The following EDN2 variants were observed in gnomAD, a reference collection of about 807,000 sequenced individuals.
EDN2 encodes the protein endothelin 2, also known as endothelin-2.
EDN2 carries 10 observed loss-of-function variants against 19.9 expected under a neutral mutation model. The ratio of observed to expected loss-of-function variants is 0.50; its 90% CI spans 0.31 to 0.85. The LOEUF (loss-of-function observed/expected upper bound fraction) is 0.85. Among genes scored for constraint, EDN2 ranks in the 40% least tolerant of loss-of-function variants. The probability of loss-of-function intolerance (pLI) is 0.05; values close to 1 mark genes in which losing one functional copy is unlikely to be tolerated. For missense variants in EDN2, 222 were observed against 239.3 expected, an observed-to-expected ratio of 0.93 and a Z score of 0.48; for synonymous variants, 84 against 94.9, an observed-to-expected ratio of 0.89 and a Z score of 0.67.
At chr1:41,480,867 C>T (rs906414496) in intron 4 of EDN2, 5 of 671,496 alleles carry the variant, frequency 7.4e-6, no homozygotes, top group African/African-American at 1.8e-5. Flanking sequence ...AAAAAGTCCA[C>T]TTCCAGGCCT....
In EDN2 at chr1:41,480,935, G is replaced by T. The variant is rs143576788; in HGVS notation, c.443+160C>A. Reference sequence around the variant, plus strand: ...CAGACTCTGGGGTCAGCCAGATGCCGCTGACTGCTGTGTGACTTTGGGCAA... The same window carrying T: ...CAGACTCTGGGGTCAGCCAGATGCCTCTGACTGCTGTGTGACTTTGGGCAA... On this transcript the variant is annotated intron_variant, in intron 4 of 4. Coordinates refer to ENST00000372587, the MANE Select transcript of EDN2 (RefSeq NM_001956.5). The T allele has an allele frequency of 9.4e-4, 619 of 658,180 alleles. 7 individuals are homozygous for T. The East Asian group carries it at 0.012, about 13-fold the overall frequency. 40.8% of individuals were successfully genotyped at this position (658,180 alleles called of 1,614,324 possible).
In EDN2 at chr1:41,480,575, A is replaced by G. The variant is rs181125996; in HGVS notation, c.443+520T>C. 29 of 377,310 alleles carry G rather than the reference A, an allele frequency of 7.7e-5. 1 individual carries two copies. The highest frequency in any genetic ancestry group is 5.9e-4 in the Admixed American group (19 of 32,258). The allele number at this position is 377,310 out of a possible 1,614,324, so 23.4% of individuals were successfully genotyped here. A position where few individuals can be genotyped will look rare whatever the true frequency, so the allele number is the denominator to read the frequency against. On this transcript the variant is annotated intron_variant, in intron 4 of 4. Transcript: ENST00000372587. ...CCAGGCTGGGCTGGGGTTCAGATCA[A>G]GCAGTCTGCCCCAGAGGCTGCCCCT...
chr1:41,482,605 A>G lies in EDN2; in HGVS notation c.222-17T>C. Reference sequence around the variant, plus strand: ...GCTGTCTGTCTGTGGGCGGGCAGCCAGCAAGGTAGTGGTGTGGGGTGGAGA... The same window carrying G: ...GCTGTCTGTCTGTGGGCGGGCAGCCGGCAAGGTAGTGGTGTGGGGTGGAGA... On this transcript the variant is annotated splice_polypyrimidine_tract_variant and intron_variant, in intron 2 of 4. Coordinates refer to ENST00000372587, the MANE Select transcript of EDN2 (RefSeq NM_001956.5). The G allele has an allele frequency of 6.4e-7, 1 of 1,559,198 alleles. No homozygotes were observed. The highest frequency in any genetic ancestry group is 8.6e-7 in the Non-Finnish European group (1 of 1,157,672).
chr1:41,479,169 C>G lies in EDN2; in HGVS notation c.*240G>C, dbSNP rs1644225011. On this transcript the variant is annotated 3_prime_UTR_variant, in exon 5 of 5. Coordinates refer to ENST00000372587, the MANE Select transcript of EDN2 (RefSeq NM_001956.5). ...AGCAGAGCTGTGGGCCAGCAGCCAGCACTGGAGGCTGCTCCGCAGTCTGGA... is the reference window on the plus strand; with the variant it reads ...AGCAGAGCTGTGGGCCAGCAGCCAGGACTGGAGGCTGCTCCGCAGTCTGGA... 1.6e-6 allele frequency: 1 copy of G among 626,852 alleles called. No individual in the cohort carries two copies. The highest frequency in any genetic ancestry group is 1.6e-5 in the South Asian group (1 of 62,122). The allele number at this position is 626,852 out of a possible 1,614,324, so 38.8% of individuals were successfully genotyped here.
At position 41,479,048 on chromosome 1, in the gene EDN2, C is replaced by T. The variant is rs1290504302; in HGVS notation, c.*361G>A. 6 of 361,044 alleles carry T rather than the reference C, an allele frequency of 1.7e-5. No homozygotes were observed. The highest frequency in any genetic ancestry group is 4.3e-5 in the South Asian group (2 of 46,622). The allele number at this position is 361,044 out of a possible 1,614,324, so 22.4% of individuals were successfully genotyped here. On this transcript the variant is annotated 3_prime_UTR_variant, in exon 5 of 5. Transcript: ENST00000372587. The stretch of plus-strand genomic sequence containing the variant: ...CAGGGCTGGCTGAGGCATGCGTGTT[C>T]GTGGCTGCACGGTTGCTCCTGGTTT...
At chr1:41,479,767 A>G (rs947624164) in intron 4 of EDN2, among the ~76,000 whole-genome samples, 2 of 152,246 alleles carry the variant, frequency 1.3e-5, no homozygotes, top group African/African-American at 2.4e-5. Flanking sequence ...TGGACAGCCA[A>G]GCACAGCCCT....
chr1:41,478,816 T>C lies in EDN2; in HGVS notation c.*593A>G, dbSNP rs910221974. 1 of 167,334 alleles carries C rather than the reference T, an allele frequency of 6.0e-6. No individual in the cohort carries two copies. Among genetic ancestry groups the C allele is most frequent in the South Asian group, 1.6e-4 (1 of 6,422 alleles). The allele number at this position is 167,334 out of a possible 1,614,324, so 10.4% of individuals were successfully genotyped here. A position where few individuals can be genotyped will look rare whatever the true frequency, so the allele number is the denominator to read the frequency against. On this transcript the variant is annotated 3_prime_UTR_variant, in exon 5 of 5. Coordinates refer to ENST00000372587, the MANE Select transcript of EDN2 (RefSeq NM_001956.5). The stretch of plus-strand genomic sequence containing the variant: ...TTATAAACACAAGTTCGCAGGTAAA[T>C]AGAGGGTCTAAAAAATACATTAAAA...
At position 41,484,559 on chromosome 1, in the gene EDN2, G is replaced by T; in HGVS notation, c.43C>A (p.Leu15Met). Reference protein sequence around the residue: ...PTTWCSVALALLVALHEGKGQ... With the variant: ...PTTWCSVALAMLVALHEGKGQ... ...TCACCTTCATGCAGGGCCACGAGCA[G>T]GGCTAGCGCAACGGAGCACCAGGTG... Residue 15 changes from leucine to methionine, a missense_variant, in exon 1 of 5, where the codon CTG becomes ATG. Transcript: ENST00000372587. The T allele has an allele frequency of 6.4e-7, 1 of 1,558,176 alleles. No individual in the cohort carries two copies. Among genetic ancestry groups the T allele is most frequent in the East Asian group, 2.4e-5 (1 of 41,300 alleles).
At chr1:41,481,060 G>A (rs774786810) in intron 4 of EDN2, 35 bp downstream of exon 4, 69 of 1,523,648 alleles carry the variant, frequency 4.5e-5, no homozygotes, top group Admixed American at 3.2e-4. Context: ...GCATACAGGA[G>A]GTGCTCAGTC....
chr1:41,483,124 G>GGT (rs3835690), intron 2 of EDN2: 62,098 of 151,046 alleles, frequency 0.41, 13,397 homozygotes, highest in Admixed American at 0.55. Context: ...TTGAAAGTGG[G>GGT]GTGTGTGTGT....
At position 41,484,616 on chromosome 1, in the gene EDN2, G is replaced by T; in HGVS notation, c.-15C>A. On this transcript the variant is annotated 5_prime_UTR_variant, in exon 1 of 5. Transcript: ENST00000372587. ...ACGGAGACCATAGCGGCGGTGGAGC[G>T]CGCAGGCTGGACTGGAGCAGGGAGT... 4 of 1,553,756 alleles carry T rather than the reference G, an allele frequency of 2.6e-6. No homozygotes were observed. Among genetic ancestry groups the T allele is most frequent in the Middle Eastern group, 1.7e-4 (1 of 5,982 alleles).
Position 41,481,132 on chromosome 1 carries a change from T to C in EDN2, c.406A>G (p.Thr136Ala). The C allele has an allele frequency of 6.2e-7, 1 of 1,614,036 alleles. No individual in the cohort carries two copies. Among genetic ancestry groups the C allele is most frequent in the Middle Eastern group, 1.6e-4 (1 of 6,062 alleles). ...AGAAGCTCTCCTGTAGTGGCCCCTG[T>C]CTTGCCAGTCTGGAACACGTCTGCA... is the stretch of plus-strand genomic sequence containing the variant. ...SPADVFQTGK[T>A]GATTGELLQR... The change falls in exon 4 of 5, where the codon ACA becomes GCA. Residue 136 changes from threonine (T) to alanine (A), a missense_variant. Coordinates refer to ENST00000372587, the MANE Select transcript of EDN2 (RefSeq NM_001956.5).
rs1250602641 is a variant in EDN2, at chr1:41,483,821, C to A, written c.221+226G>T. The A allele has an allele frequency of 1.4e-5, 7 of 493,068 alleles. No individual in the cohort carries two copies. In the East Asian group the frequency reaches 1.8e-4, roughly 12 times the overall value. 30.5% of individuals were successfully genotyped at this position (493,068 alleles called of 1,614,324 possible). On this transcript the variant is annotated intron_variant, in intron 2 of 4. Transcript: ENST00000372587. ...TTGAATCTGGAAAACGGGGCCAACA[C>A]TTGCTTACCAGGCTGTCTTAAGAAT...
intron 2 of EDN2, 143 bp from the exon 3 acceptor site, chr1:41,482,731 A>G: frequency 8.5e-7 from 1 of 1,180,440 alleles, no homozygotes; most frequent in Non-Finnish European, 1.1e-6. Flanking sequence ...ACAGCCACCC[A>G]TGCCAGCAGG....
rs151334316 is a variant in EDN2 at position 41,481,183 on chromosome 1, C to G, written c.355G>C (p.Gly119Arg). 11 of 1,613,732 alleles carry G rather than the reference C, an allele frequency of 6.8e-6. No individual in the cohort carries two copies. The East Asian group carries it at 8.9e-5, about 13-fold the overall frequency. Residue 119 changes from glycine (G) to arginine (R), a missense_variant, in exon 4 of 5, where the codon GGG becomes CGG. Physicochemically the swap from Gly to Arg is moderately radical, Grantham distance 125. Coordinates refer to ENST00000372587, the MANE Select transcript of EDN2 (RefSeq NM_001956.5). The part of the protein sequence containing the change: ...FCLRRPWTEA[G>R]AVPSRKSPAD... ...GGGGACTTCCGGCTTGGGACTGCCC[C>G]GGCTTCAGTCCTACGTGAATAGCAT...
Position 41,482,563 on chromosome 1 carries a change from T to A in EDN2, c.247A>T (p.Asn83Tyr). The change falls in exon 3 of 5, where the codon AAC becomes TAC. Residue 83 changes from asparagine (N) to tyrosine (Y), a missense_variant. Transcript: ENST00000372587. ...GAGCGGCGCCGGCGTCTTGGCGGGT[T>A]TCCCAGGCCGTAAGGAGCTGTCTGT... Reference protein sequence around the residue: ...PEQTAPYGLGNPPRRRRRSLP... With the variant: ...PEQTAPYGLGYPPRRRRRSLP... 1 of 1,588,354 alleles carries A rather than the reference T, an allele frequency of 6.3e-7. No individual in the cohort carries two copies. Among genetic ancestry groups the A allele is most frequent in the Non-Finnish European group, 8.6e-7 (1 of 1,169,114 alleles).
rs1397015257 is a variant in EDN2 at position 41,479,517 on chromosome 1, G to C, written c.444-15C>G. ...TGGAAATGTCCCTGGGAATCAAGAAGGGTCAACTTAGCATCTCAGGAGATA... is the reference window on the plus strand; with the variant it reads ...TGGAAATGTCCCTGGGAATCAAGAACGGTCAACTTAGCATCTCAGGAGATA... On this transcript the variant is annotated splice_polypyrimidine_tract_variant and intron_variant, in intron 4 of 4. Transcript: ENST00000372587. The C allele has an allele frequency of 1.2e-6, 2 of 1,609,324 alleles. No individual in the cohort carries two copies. Among genetic ancestry groups the C allele is most frequent in the African/African-American group, 2.7e-5 (2 of 74,964 alleles).
rs1175581316 is a variant in EDN2, at chr1:41,484,675, A to T, written c.-74T>A. ...CCAGCGTCCTGCTATTAAGCTGAGC[A>T]GATAGCTCATTGCCTCGGTGCCCTG... On this transcript the variant is annotated 5_prime_UTR_variant, in exon 1 of 5. Transcript: ENST00000372587. 7.9e-6 allele frequency: 12 copies of T among 1,514,056 alleles called. No homozygotes were observed. Among genetic ancestry groups the T allele is most frequent in the Non-Finnish European group, 9.9e-6 (11 of 1,116,316 alleles). The allele number at this position is 1,514,056 out of a possible 1,614,324, so 93.8% of individuals were successfully genotyped here. A position where few individuals can be genotyped will look rare whatever the true frequency, so the allele number is the denominator to read the frequency against.
chr1:41,481,376 T>G (rs1302148092), intron 3 of EDN2, among the ~76,000 whole-genome samples, 183 bp from the exon 4 acceptor site: 1 of 152,090 alleles, frequency 6.6e-6, no homozygotes, highest in Non-Finnish European at 1.5e-5. Flanking sequence ...TGAGGAAAAC[T>G]GAGCTACCAG....
Sources: allele counts gnomAD v4.1 joint callset (sites outside exome capture counted in the v4.1 genomes callset), GRCh38; gene constraint gnomAD v4.1.1; transcripts MANE v1.5; gene names NCBI Gene and HGNC (gene_info 2026-07-23, HGNC 2026-07-21).